Variants in FGF2 observed in about 807,000 individuals in gnomAD.
The protein encoded by FGF2 is basic fibroblast growth factor bFGF.
FGF2 carries 13 observed loss-of-function variants against 15.9 expected under a neutral mutation model. That is an observed-to-expected ratio of 0.82 (90% confidence interval 0.53 to 1.30). The LOEUF is 1.30. FGF2 is among the 50% of genes most tolerant of loss of function. The probability of loss-of-function intolerance (pLI) is 0.00; values close to 1 mark genes in which losing one functional copy is unlikely to be tolerated. For missense variants in FGF2, 163 were observed against 196.9 expected, an observed-to-expected ratio of 0.83 and a Z score of 1.03; for synonymous variants, 90 against 78.4, an observed-to-expected ratio of 1.15 and a Z score of -0.78.
rs995057100 is a variant in FGF2, at chr4:122,831,207, C to G, written c.178+3855C>G. On this transcript the variant is annotated intron_variant, in intron 1 of 2. Transcript: ENST00000644866. ...TTTATCCTGAATGAGCTTCTTACCA[C>G]CTGGTCCCTTGCCTTCTCTTCCTGC... is the stretch of plus-strand genomic sequence containing the variant. Among the ~76,000 whole-genome samples, 10 of 152,298 alleles carry G rather than the reference C, an allele frequency of 6.6e-5. No homozygotes were observed. In the East Asian group the frequency reaches 1.5e-3, roughly 24 times the overall value.
chr4:122,833,065 T>A (rs1054999541), intron 1 of FGF2, among the ~76,000 whole-genome samples: 7 of 152,204 alleles, frequency 4.6e-5, no homozygotes, highest in Non-Finnish European at 7.3e-5. Flanking sequence ...AGACAGCCAA[T>A]ATTCAGTGTT....
chr4:122,830,634 C>G (rs1009482394), intron 1 of FGF2, among the ~76,000 whole-genome samples: 1 of 152,032 alleles, frequency 6.6e-6, no homozygotes, highest in Non-Finnish European at 1.5e-5. Flanking sequence ...AGGCCTCTTT[C>G]AATGCGGTGG....
intron 1 of FGF2, among the ~76,000 whole-genome samples, chr4:122,853,855 G>C (rs554922989): frequency 1.3e-5 from 2 of 152,178 alleles, no homozygotes; most frequent in Non-Finnish European, 2.9e-5. Flanking sequence ...ATATTGATAG[G>C]AGTTAAATGA....
chr4:122,844,944 G>T (rs4305529), intron 1 of FGF2, among the ~76,000 whole-genome samples: 3,815 of 152,220 alleles, frequency 0.025, 178 homozygotes, highest in African/African-American at 0.086. Flanking sequence ...GCCTCCAGAA[G>T]GTTTTCAATT....
intron 1 of FGF2, among the ~76,000 whole-genome samples, chr4:122,874,470 G>T (rs1187602496): frequency 6.6e-6 from 1 of 152,160 alleles, no homozygotes; most frequent in Non-Finnish European, 1.5e-5. Context: ...AGGTGACTCA[G>T]ACATGAAATG....
chr4:122,864,228 G>A (rs955448436), intron 1 of FGF2, among the ~76,000 whole-genome samples: 1 of 151,556 alleles, frequency 6.6e-6, no homozygotes, highest in Admixed American at 6.6e-5. Flanking sequence ...TCATGCTTTA[G>A]CATTGTGAGG....
Position 122,841,366 on chromosome 4 carries a change from A to G in FGF2, c.178+14014A>G, listed in dbSNP as rs41346246. Among the ~76,000 whole-genome samples the G allele has an allele frequency of 3.7e-3, 569 of 152,306 alleles. 6 individuals are homozygous for G. In the East Asian group the frequency reaches 0.047, roughly 13 times the overall value. ...AGGCCATATTTTTCATGAGGAGTGG[A>G]CACTCCTTAGTCATGGCATTTCTGC... is the stretch of plus-strand genomic sequence containing the variant. On this transcript the variant is annotated intron_variant, in intron 1 of 2. Transcript: ENST00000644866.
At chr4:122,879,916 G>C (rs1182776831) in intron 2 of FGF2, among the ~76,000 whole-genome samples, 1 of 152,124 alleles carries the variant, frequency 6.6e-6, no homozygotes, top group African/African-American at 2.4e-5. Context: ...TTTAGGTGGG[G>C]ACACAGCCAA....
intron 2 of FGF2, among the ~76,000 whole-genome samples, chr4:122,886,439 G>A (rs1362099300): frequency 1.3e-5 from 2 of 152,082 alleles, no homozygotes; most frequent in African/African-American, 4.8e-5. Context: ...AAGTCACCAT[G>A]CATAGTCCAC....
intron 1 of FGF2, among the ~76,000 whole-genome samples, chr4:122,865,760 G>T (rs963526107): frequency 1.3e-5 from 2 of 152,188 alleles, no homozygotes; most frequent in African/African-American, 4.8e-5. Flanking sequence ...CGTTCTATGT[G>T]CCCTTGAAAA....
intron 2 of FGF2, among the ~76,000 whole-genome samples, chr4:122,891,025 T>C (rs1578482703): frequency 8.1e-6 from 1 of 122,862 alleles, no homozygotes; most frequent in Non-Finnish European, 1.8e-5. Flanking sequence ...ATTTATCTTT[T>C]TTTTTTTTTT....
chr4:122,897,610 TA>T lies in FGF2; in HGVS notation c.*5218del. ...AACATTTTTAAGCCAATTAAAAATA[TA>T]AAAGATACACACCAATATCTTCTTC... On this transcript the variant is annotated 3_prime_UTR_variant, in exon 3 of 3. Transcript: ENST00000644866. 6.3e-7 allele frequency: 1 copy of T among 1,575,076 alleles called. No homozygotes were observed. Among genetic ancestry groups the T allele is most frequent in the Non-Finnish European group, 8.7e-7 (1 of 1,144,990 alleles).
intron 2 of FGF2, among the ~76,000 whole-genome samples, chr4:122,886,466 T>C (rs1222889274): frequency 2.6e-5 from 4 of 152,222 alleles, no homozygotes; most frequent in African/African-American, 9.6e-5. Flanking sequence ...GAGATGGAGA[T>C]GATGGTTATG....
intron 1 of FGF2, among the ~76,000 whole-genome samples, chr4:122,835,114 C>T (rs752382879): frequency 6.6e-6 from 1 of 152,216 alleles, no homozygotes; most frequent in Non-Finnish European, 1.5e-5. Context: ...TAGCAATCCT[C>T]ACCCTTTCCC....
chr4:122,840,908 T>A (rs532670891), intron 1 of FGF2, among the ~76,000 whole-genome samples: 1 of 151,932 alleles, frequency 6.6e-6, no homozygotes, highest in South Asian at 2.1e-4. Flanking sequence ...TATAAAAAAG[T>A]GGGATACAGG....
chr4:122,834,685 C>T (rs1484984124), intron 1 of FGF2, among the ~76,000 whole-genome samples: 4 of 152,212 alleles, frequency 2.6e-5, no homozygotes, highest in Non-Finnish European at 4.4e-5. Context: ...CTAGCCCACT[C>T]CCCTCCTCTT....
Position 122,892,247 on chromosome 4 carries a change from T to C in FGF2, c.319T>C (p.Leu107=), listed in dbSNP as rs140131552. ...VTDECFFFER[L]ESNNYNTYRS... is the part of the protein sequence containing the mutation. ...GGATGAGTGTTTCTTTTTTGAACGA[T>C]TGGAATCTAATAACTACAATACTTA... is the stretch of plus-strand genomic sequence containing the variant. Residue 107 remains leucine (L), a synonymous_variant, in exon 3 of 3, where the codon TTG becomes CTG. Transcript: ENST00000644866. 40 of 1,613,716 alleles carry C rather than the reference T, an allele frequency of 2.5e-5. 1 individual carries two copies. The South Asian group carries it at 3.8e-4, about 16-fold the overall frequency.
chr4:122,861,451 A>G (rs1726464770), intron 1 of FGF2, among the ~76,000 whole-genome samples: 5 of 151,878 alleles, frequency 3.3e-5, no homozygotes, highest in Admixed American at 3.3e-4. Flanking sequence ...CCTGGGACCT[A>G]TTTCTGAACT....
At chr4:122,880,786 G>C (rs1726946410) in intron 2 of FGF2, among the ~76,000 whole-genome samples, 2 of 152,144 alleles carry the variant, frequency 1.3e-5, no homozygotes, top group South Asian at 4.1e-4. Flanking sequence ...GAGGATGGTG[G>C]CCCTCTTCTC....
Sources: allele counts gnomAD v4.1 joint callset (sites outside exome capture counted in the v4.1 genomes callset), GRCh38; gene constraint gnomAD v4.1.1; transcripts MANE v1.5; gene names NCBI Gene and HGNC (gene_info 2026-07-23, HGNC 2026-07-21).